ATG5: variants seen among roughly 807,000 people sequenced by gnomAD.
ATG5 encodes the protein autophagy protein 5.
Under a neutral mutation model 36.5 loss-of-function variants are expected in ATG5, and 14 were observed. That is an observed-to-expected ratio of 0.38 (90% CI 0.25 to 0.60). ATG5 has a LOEUF of 0.60. ATG5 is among the 20% of genes least tolerant of loss of function. The probability of loss-of-function intolerance (pLI) is 0.60; values close to 1 mark genes in which losing one functional copy is unlikely to be tolerated. For missense variants in ATG5, 195 were observed against 326.7 expected, an observed-to-expected ratio of 0.60 and a Z score of 3.11; for synonymous variants, 95 against 101.5, an observed-to-expected ratio of 0.94 and a Z score of 0.38.
chr6:106,231,489 C>T (rs1025784336), intron 6 of ATG5, among the ~76,000 whole-genome samples: 1 of 152,150 alleles, frequency 6.6e-6, no homozygotes, highest in Non-Finnish European at 1.5e-5. Flanking sequence ...ATTGGTGCCG[C>T]AGACATTTGC....
At chr6:106,291,881 G>T (rs1780321747) in intron 4 of ATG5, among the ~76,000 whole-genome samples, 2 of 152,154 alleles carry the variant, frequency 1.3e-5, no homozygotes, top group Admixed American at 1.3e-4. Context: ...TTAATAACAT[G>T]GTATTGTGCA....
At chr6:106,233,549 T>C (rs1777772384) in intron 6 of ATG5, among the ~76,000 whole-genome samples, 1 of 152,186 alleles carries the variant, frequency 6.6e-6, no homozygotes, top group African/African-American at 2.4e-5. Context: ...TTGCAACCCA[T>C]GGCATACCTG....
At chr6:106,314,198 A>T (rs1770757169) in intron 2 of ATG5, among the ~76,000 whole-genome samples, 2 of 152,234 alleles carry the variant, frequency 1.3e-5, no homozygotes, top group African/African-American at 4.8e-5. Flanking sequence ...TAAAGAAAAA[A>T]TACTGTATTC....
At chr6:106,314,592 AAC>A (rs1562271580) in intron 2 of ATG5, among the ~76,000 whole-genome samples, 1 of 152,056 alleles carries the variant, frequency 6.6e-6, no homozygotes, top group Non-Finnish European at 1.5e-5. Context: ...AATAAAAGTA[AAC>A]AGACTTAAAT....
At chr6:106,282,525 T>C (rs1215741336) in intron 4 of ATG5, among the ~76,000 whole-genome samples, 1 of 152,212 alleles carries the variant, frequency 6.6e-6, no homozygotes, top group Non-Finnish European at 1.5e-5. Context: ...TAAGAACACA[T>C]ACGATGCATT....
chr6:106,281,082 G>T (rs1453044074), intron 4 of ATG5, among the ~76,000 whole-genome samples: 3 of 152,030 alleles, frequency 2.0e-5, no homozygotes, highest in Non-Finnish European at 4.4e-5. Flanking sequence ...TTCATAAAAA[G>T]AATGAAATGA....
intron 6 of ATG5, among the ~76,000 whole-genome samples, chr6:106,208,614 A>C (rs2114383297): frequency 6.6e-6 from 1 of 152,350 alleles, no homozygotes; most frequent in Non-Finnish European, 1.5e-5. Flanking sequence ...CCTAGAACTT[A>C]ACACTAAAGG....
At chr6:106,197,762 G>A (rs954824636) in intron 7 of ATG5, among the ~76,000 whole-genome samples, 1 of 152,142 alleles carries the variant, frequency 6.6e-6, no homozygotes, top group Admixed American at 6.5e-5. Flanking sequence ...CCAATCTCCA[G>A]GCAGTAGAGC....
At chr6:106,200,642 AT>A (rs1423194446) in intron 7 of ATG5, among the ~76,000 whole-genome samples, 2 of 151,624 alleles carry the variant, frequency 1.3e-5, no homozygotes, top group African/African-American at 4.8e-5. Flanking sequence ...CGCCCAGCTG[AT>A]TTTTTTTGTG....
intron 7 of ATG5, among the ~76,000 whole-genome samples, chr6:106,192,629 G>A (rs950287798): frequency 2.0e-5 from 3 of 152,130 alleles, no homozygotes; most frequent in African/African-American, 7.2e-5. Context: ...TGGAGTAGAA[G>A]TCTAAGATCA....
intron 6 of ATG5, among the ~76,000 whole-genome samples, chr6:106,204,703 T>G (rs1776565764): frequency 6.6e-6 from 1 of 152,202 alleles, no homozygotes; most frequent in African/African-American, 2.4e-5. Flanking sequence ...CATCTCTCTT[T>G]CCTGCTGGCT....
At chr6:106,288,056 C>T (rs1030598100) in intron 4 of ATG5, among the ~76,000 whole-genome samples, 2 of 151,616 alleles carry the variant, frequency 1.3e-5, no homozygotes, top group Non-Finnish European at 2.9e-5. Flanking sequence ...CTGCAACCTC[C>T]GCCCCCCAGG....
intron 6 of ATG5, among the ~76,000 whole-genome samples, chr6:106,203,093 G>A (rs889440191): frequency 5.3e-5 from 8 of 152,204 alleles, no homozygotes; most frequent in Admixed American, 3.3e-4. Context: ...TCTAGGTAGA[G>A]GGTGTATGAT....
intron 6 of ATG5, among the ~76,000 whole-genome samples, chr6:106,205,122 A>G (rs1776582884): frequency 6.6e-6 from 1 of 152,200 alleles, no homozygotes; most frequent in Non-Finnish European, 1.5e-5. Flanking sequence ...CTGACGACTA[A>G]TGGAAAGCAG....
chr6:106,304,127 C>G (rs1333544880), intron 3 of ATG5: 1 of 152,010 alleles, frequency 6.6e-6, no homozygotes, highest in African/African-American at 2.4e-5. Context: ...AGCAAGGTTG[C>G]AGAACACAAA....
chr6:106,309,985 G>A (rs1770590341), intron 2 of ATG5, among the ~76,000 whole-genome samples: 1 of 152,128 alleles, frequency 6.6e-6, no homozygotes, highest in South Asian at 2.1e-4. Flanking sequence ...ATTTTGGAGA[G>A]TGTTGTATTA....
chr6:106,293,125 A>G lies in ATG5; in HGVS notation c.237-19T>C, dbSNP rs776010627. 3 of 1,596,920 alleles carry G rather than the reference A, an allele frequency of 1.9e-6. No individual in the cohort carries two copies. Among genetic ancestry groups the G allele is most frequent in the Non-Finnish European group, 2.6e-6 (3 of 1,166,856 alleles). Reference sequence around the variant, plus strand: ...ATAATGCCTAAAAATGAAACAGTATATTTTGAGAAAATAAATATTTAAAGT... The same window carrying G: ...ATAATGCCTAAAAATGAAACAGTATGTTTTGAGAAAATAAATATTTAAAGT... On this transcript the variant is annotated intron_variant, in intron 3 of 7. Coordinates refer to ENST00000369076, the MANE Select transcript of ATG5 (RefSeq NM_004849.4).
intron 3 of ATG5, among the ~76,000 whole-genome samples, chr6:106,294,767 C>T (rs917639794): frequency 1.3e-5 from 2 of 149,336 alleles, no homozygotes; most frequent in South Asian, 2.1e-4. Flanking sequence ...CTCTTGAGCC[C>T]GAGAGGCAGA....
At chr6:106,212,270 A>C (rs1776879990) in intron 6 of ATG5, among the ~76,000 whole-genome samples, 2 of 152,380 alleles carry the variant, frequency 1.3e-5, no homozygotes, top group South Asian at 4.1e-4. Flanking sequence ...TAGATTTTAC[A>C]ATTTATAACT....
Sources: allele counts gnomAD v4.1 joint callset (sites outside exome capture counted in the v4.1 genomes callset), GRCh38; gene constraint gnomAD v4.1.1; transcripts MANE v1.5; gene names NCBI Gene and HGNC (gene_info 2026-07-23, HGNC 2026-07-21).